KLHL1: variants seen among roughly 807,000 people sequenced by gnomAD.
The protein encoded by KLHL1 is kelch-like protein 1.
KLHL1 carries 47 observed loss-of-function variants against 77.7 expected under a neutral mutation model. The observed-to-expected ratio is 0.60, with a 90% CI of 0.48 to 0.77. The LOEUF is 0.77. KLHL1 is among the 30% of genes least tolerant of loss of function. KLHL1 has a pLI of 0.00. For missense variants in KLHL1, 925 were observed against 910.8 expected (o/e 1.02, Z -0.20); for synonymous variants, 360 against 325.2 (o/e 1.11, Z -1.15).
At chr13:69,994,570 A>G (rs537894037) in intron 1 of KLHL1, among the ~76,000 whole-genome samples, 1 of 152,250 alleles carries the variant, frequency 6.6e-6, no homozygotes, top group East Asian at 1.9e-4. Context: ...GATATATCAC[A>G]CATCAAATAA....
intron 3 of KLHL1, among the ~76,000 whole-genome samples, chr13:69,943,991 T>C (rs1333823167): frequency 6.6e-6 from 1 of 152,186 alleles, no homozygotes; most frequent in Non-Finnish European, 1.5e-5. Flanking sequence ...TCTCTCAATA[T>C]AATTTATGCA....
intron 1 of KLHL1, among the ~76,000 whole-genome samples, chr13:70,079,047 A>G (rs1034597838): frequency 2.0e-5 from 3 of 152,192 alleles, no homozygotes; most frequent in Non-Finnish European, 2.9e-5. Context: ...GCAAGTAATT[A>G]AACATGGAGT....
chr13:69,896,866 T>C (rs1171212336), intron 4 of KLHL1, among the ~76,000 whole-genome samples: 1 of 151,878 alleles, frequency 6.6e-6, no homozygotes. Flanking sequence ...AGAAACGGGG[T>C]TTCACCATAT....
intron 4 of KLHL1, among the ~76,000 whole-genome samples, chr13:69,890,003 G>A (rs904111309): frequency 1.3e-5 from 2 of 151,732 alleles, no homozygotes; most frequent in African/African-American, 4.8e-5. Context: ...ATGTTTTATG[G>A]GATTCTTTCT....
intron 1 of KLHL1, among the ~76,000 whole-genome samples, chr13:70,011,176 T>C (rs1316990511): frequency 6.6e-6 from 1 of 152,054 alleles, no homozygotes; most frequent in African/African-American, 2.4e-5. Flanking sequence ...CTAAGAAGAC[T>C]TTGCCAGTGA....
chr13:70,028,922 A>T (rs1593687062), intron 1 of KLHL1, among the ~76,000 whole-genome samples: 1 of 151,458 alleles, frequency 6.6e-6, no homozygotes, highest in Admixed American at 6.6e-5. Flanking sequence ...GGCTGCAGTG[A>T]GCTGTGATTG....
intron 4 of KLHL1, among the ~76,000 whole-genome samples, chr13:69,920,451 C>G (rs1444241491): frequency 6.6e-6 from 1 of 151,820 alleles, no homozygotes; most frequent in African/African-American, 2.4e-5. Context: ...TAAATGTGAC[C>G]ATGAAGAATT....
In KLHL1 at chr13:69,793,278, A is replaced by C. The variant is rs969057491; in HGVS notation, c.1639+3460T>G. On this transcript the variant is annotated intron_variant, in intron 7 of 10. Coordinates refer to ENST00000377844, the MANE Select transcript of KLHL1 (RefSeq NM_020866.3). Reference sequence around the variant, plus strand: ...TATATGCTTAAAGACTTAAGTGATAAAATAAAAATTTGTAGCATACTGAGA... The same window carrying C: ...TATATGCTTAAAGACTTAAGTGATACAATAAAAATTTGTAGCATACTGAGA... 2.6e-5 allele frequency among the ~76,000 whole-genome samples: 4 copies of C among 152,100 alleles called. No individual in the cohort carries two copies. The East Asian group carries it at 7.7e-4, about 29-fold the overall frequency.
intron 1 of KLHL1, among the ~76,000 whole-genome samples, chr13:70,100,527 GT>G (rs1887900909): frequency 1.3e-5 from 2 of 152,060 alleles, no homozygotes; most frequent in Admixed American, 6.6e-5. Context: ...TAGAGACGGG[GT>G]TTCACTAAGT....
chr13:69,950,952 A>G (rs1883689054), intron 3 of KLHL1, among the ~76,000 whole-genome samples: 1 of 151,632 alleles, frequency 6.6e-6, no homozygotes, highest in Non-Finnish European at 1.5e-5. Flanking sequence ...AGCAGCTTGT[A>G]TAGTGTTATA....
intron 5 of KLHL1, among the ~76,000 whole-genome samples, chr13:69,859,329 C>T (rs1203683766): frequency 6.6e-6 from 1 of 150,884 alleles, no homozygotes; most frequent in Middle Eastern, 3.2e-3. Context: ...TTGACTTCCT[C>T]GCTGATTTGT....
chr13:69,939,380 C>CATATACAT (rs1883293665), intron 4 of KLHL1, among the ~76,000 whole-genome samples: 1 of 56,482 alleles, frequency 1.8e-5, no homozygotes, highest in African/African-American at 6.8e-5. Context: ...TATATATATA[C>CATATACAT]ACACACACAC....
intron 7 of KLHL1, among the ~76,000 whole-genome samples, chr13:69,794,867 A>C (rs17727926): frequency 0.051 from 7,705 of 152,244 alleles, 282 homozygotes; most frequent in Non-Finnish European, 0.08. Context: ...GGAAAGGATA[A>C]AGACAAAAAT....
chr13:69,808,276 A>G (rs536545362), intron 6 of KLHL1, among the ~76,000 whole-genome samples: 2 of 152,170 alleles, frequency 1.3e-5, no homozygotes, highest in African/African-American at 4.8e-5. Flanking sequence ...ACCCTGAGGG[A>G]GGGTGCTTTT....
chr13:69,775,129 A>G (rs568076451), intron 7 of KLHL1, among the ~76,000 whole-genome samples: 1 of 152,262 alleles, frequency 6.6e-6, no homozygotes, highest in South Asian at 2.1e-4. Flanking sequence ...AATGAAACTA[A>G]TAGATAAGAC....
chr13:69,960,227 G>C (rs1380582223), intron 3 of KLHL1, among the ~76,000 whole-genome samples: 1 of 150,590 alleles, frequency 6.6e-6, no homozygotes, highest in Non-Finnish European at 1.5e-5. Flanking sequence ...TAGTTCCCAG[G>C]TGTTTGGACT....
Position 70,005,034 on chromosome 13 carries a change from T to G in KLHL1, c.498-29232A>C, listed in dbSNP as rs142332299. Reference sequence around the variant, plus strand: ...ACGTAAGTCCTAGTTTTGTAGGATTTTATGTTTTTAGAATACAGGTTTTTG... The same window carrying G: ...ACGTAAGTCCTAGTTTTGTAGGATTGTATGTTTTTAGAATACAGGTTTTTG... On this transcript the variant is annotated intron_variant, in intron 1 of 10. Coordinates refer to ENST00000377844, the MANE Select transcript of KLHL1 (RefSeq NM_020866.3). Among the ~76,000 whole-genome samples the G allele has an allele frequency of 2.9e-3, 442 of 151,918 alleles. 2 individuals are homozygous for G. The highest frequency in any genetic ancestry group is 0.01 in the African/African-American group (422 of 41,532).
chr13:69,709,277 A>C (rs1875769108), intron 9 of KLHL1, among the ~76,000 whole-genome samples: 1 of 152,072 alleles, frequency 6.6e-6, no homozygotes, highest in African/African-American at 2.4e-5. Context: ...CTCCTTTAAA[A>C]ATATTTAAAC....
intron 7 of KLHL1, among the ~76,000 whole-genome samples, chr13:69,781,554 A>ATTTCATTGCTG (rs779127425): frequency 8.3e-4 from 127 of 152,148 alleles, no homozygotes; most frequent in South Asian, 1.5e-3. Context: ...GTTGACAGGA[A>ATTTCATTGCTG]TTTCATTGCT....
Sources: gnomAD v4.1 joint callset for allele counts (sites outside exome capture counted in the v4.1 genomes callset) on GRCh38, gnomAD v4.1.1 for gene constraint, MANE v1.5 for transcripts, NCBI Gene and HGNC (gene_info 2026-07-23, HGNC 2026-07-21) for gene names.